PKN2: variants seen among roughly 807,000 people sequenced by gnomAD.
The protein encoded by PKN2 is serine/threonine-protein kinase N2.
A neutral mutation model predicts 119.1 loss-of-function variants in PKN2; 38 were observed. That is an observed-to-expected ratio of 0.32 (90% confidence interval 0.25 to 0.42). The LOEUF is 0.42. Ranked by LOEUF, PKN2 falls within the 10% of genes least tolerant of loss-of-function variation. PKN2 has a pLI of 1.00. For missense variants in PKN2, 850 were observed against 1,165.1 expected (o/e 0.73, Z 3.94); for synonymous variants, 390 against 384.9 (o/e 1.01, Z -0.15).
chr1:88,699,872 T>G (rs913151584), intron 1 of PKN2, among the ~76,000 whole-genome samples: 6 of 152,120 alleles, frequency 3.9e-5, no homozygotes, highest in Non-Finnish European at 5.9e-5. Flanking sequence ...AACCTCTGCC[T>G]CCTGGGTTCA....
chr1:88,689,203 A>G (rs1666235109), intron 1 of PKN2, among the ~76,000 whole-genome samples: 1 of 152,252 alleles, frequency 6.6e-6, no homozygotes, highest in South Asian at 2.1e-4. Flanking sequence ...CACATGTATT[A>G]CAGAAAATCC....
chr1:88,806,430 A>G (rs1382531454), intron 12 of PKN2, among the ~76,000 whole-genome samples: 1 of 152,170 alleles, frequency 6.6e-6, no homozygotes, highest in Non-Finnish European at 1.5e-5. Context: ...TCGGCCTTCC[A>G]AAGTGCTGGG....
At chr1:88,788,133 A>G (rs2100835170) in intron 8 of PKN2, among the ~76,000 whole-genome samples, 1 of 152,274 alleles carries the variant, frequency 6.6e-6, no homozygotes, top group Non-Finnish European at 1.5e-5. Flanking sequence ...AGTCGTCTGT[A>G]CTGTTTCATT....
At chr1:88,749,520 AG>A (rs1332498097) in intron 2 of PKN2, among the ~76,000 whole-genome samples, 1 of 152,212 alleles carries the variant, frequency 6.6e-6, no homozygotes, top group East Asian at 1.9e-4. Context: ...TACCAAAATT[AG>A]TTCAGTTGGT....
At chr1:88,751,368 A>T (rs1178165942) in intron 2 of PKN2, among the ~76,000 whole-genome samples, 2 of 147,788 alleles carry the variant, frequency 1.4e-5, no homozygotes, top group African/African-American at 5.3e-5. Context: ...TACATTATAT[A>T]TTTACACATA....
At chr1:88,790,603 T>G (rs769740403) in intron 8 of PKN2, among the ~76,000 whole-genome samples, 7 of 152,212 alleles carry the variant, frequency 4.6e-5, no homozygotes, top group Non-Finnish European at 1.0e-4. Flanking sequence ...TTTTAAGATT[T>G]TATCTTTTTT....
intron 3 of PKN2, among the ~76,000 whole-genome samples, chr1:88,768,918 C>T (rs572754703): frequency 1.3e-5 from 2 of 152,252 alleles, no homozygotes; most frequent in African/African-American, 4.8e-5. Flanking sequence ...GGAAGATGAA[C>T]GGCAGCCAGC....
intron 1 of PKN2, among the ~76,000 whole-genome samples, chr1:88,712,722 T>C (rs146578757): frequency 6.6e-6 from 1 of 152,328 alleles, no homozygotes; most frequent in African/African-American, 2.4e-5. Context: ...AAGATTCCAG[T>C]TGACTATTAC....
intron 1 of PKN2, among the ~76,000 whole-genome samples, chr1:88,705,196 A>G (rs1489319436): frequency 1.3e-5 from 2 of 151,374 alleles, no homozygotes; most frequent in East Asian, 1.9e-4. Flanking sequence ...GATCCAGTTT[A>G]TCAACATTTT....
At chr1:88,755,870 T>G (rs1411985354) in intron 2 of PKN2, among the ~76,000 whole-genome samples, 1 of 152,148 alleles carries the variant, frequency 6.6e-6, no homozygotes, top group East Asian at 1.9e-4. Flanking sequence ...AACAGTGTTA[T>G]GTAGTATTTT....
chr1:88,834,889 A>G lies in PKN2; in HGVS notation c.*1441A>G, dbSNP rs964679879. 1 of 152,336 alleles carries G rather than the reference A, an allele frequency of 6.6e-6. No individual in the cohort carries two copies. The highest frequency in any genetic ancestry group is 6.6e-5 in the Admixed American group (1 of 15,238). 9.4% of individuals were successfully genotyped at this position (152,336 alleles called of 1,614,324 possible). ...TGTTTTTTCTTAGTTTAGTAATAGC[A>G]TCTTTGATCCTGTGCTTAGCATGTT... On this transcript the variant is annotated 3_prime_UTR_variant, in exon 22 of 22. Coordinates refer to ENST00000370521, the MANE Select transcript of PKN2 (RefSeq NM_006256.4).
At chr1:88,774,255 C>T (rs1670001649) in intron 6 of PKN2, among the ~76,000 whole-genome samples, 1 of 152,166 alleles carries the variant, frequency 6.6e-6, no homozygotes, top group African/African-American at 2.4e-5. Flanking sequence ...GCAGAATTTT[C>T]ATTGGGGCTT....
chr1:88,807,756 G>T lies in PKN2; in HGVS notation c.2083G>T (p.Ala695Ser). ...IKALKKGDIV[A>S]RDEVDSLMCE... ...AGCCTTAAAGAAAGGAGATATTGTG[G>T]CTCGAGATGAAGTAGACAGGTTAGT... Residue 695 changes from alanine to serine, a missense_variant, in exon 15 of 22, where the codon GCT (alanine) becomes TCT (serine). Ala to Ser is a moderately conservative substitution (Grantham distance 99). Coordinates refer to ENST00000370521, the MANE Select transcript of PKN2 (RefSeq NM_006256.4). 1 of 1,592,824 alleles carries T rather than the reference G, an allele frequency of 6.3e-7. No homozygotes were observed. The highest frequency in any genetic ancestry group is 8.6e-7 in the Non-Finnish European group (1 of 1,166,558).
rs1241790761 is a variant in PKN2 at position 88,807,334 on chromosome 1, A to C, written c.1825A>C (p.Ile609Leu). 6.3e-7 allele frequency: 1 copy of C among 1,576,418 alleles called. No homozygotes were observed. Among genetic ancestry groups the C allele is most frequent in the East Asian group, 2.2e-5 (1 of 44,484 alleles). Residue 609 changes from isoleucine to leucine, a missense_variant, in exon 13 of 22, where the codon ATT becomes CTT. Around this residue, in one of 9 missense-constraint regions of PKN2, gnomAD observed 216 missense variants for 252.8 expected, o/e 0.85. Transcript: ENST00000370521. ...ACAGGATTCAGAGACTGTTTTTGATATTCAGAATGACAGAAATAGTATACT... is the reference window on the plus strand; with the variant it reads ...ACAGGATTCAGAGACTGTTTTTGATCTTCAGAATGACAGAAATAGTATACT... The part of the protein sequence containing the change: ...PGQDSETVFD[I>L]QNDRNSILPK...
chr1:88,772,390 G>T (rs1669932496), intron 6 of PKN2, among the ~76,000 whole-genome samples: 1 of 152,066 alleles, frequency 6.6e-6, no homozygotes. Context: ...AACTTTTTGT[G>T]CACCCAACAT....
At chr1:88,767,585 G>A (rs1027980220) in intron 3 of PKN2, among the ~76,000 whole-genome samples, 6 of 152,122 alleles carry the variant, frequency 3.9e-5, no homozygotes, top group African/African-American at 1.4e-4. Context: ...ACTGAATACT[G>A]TAGGCAATTG....
intron 3 of PKN2, among the ~76,000 whole-genome samples, chr1:88,769,355 A>G (rs1204984515): frequency 6.6e-6 from 1 of 152,174 alleles, no homozygotes; most frequent in Non-Finnish European, 1.5e-5. Flanking sequence ...AATTAATTGG[A>G]ACACAATTGC....
chr1:88,801,430 ATCT>A (rs1184168843), intron 8 of PKN2, among the ~76,000 whole-genome samples: 4 of 152,150 alleles, frequency 2.6e-5, no homozygotes, highest in African/African-American at 7.2e-5. Flanking sequence ...CATTAGTGAC[ATCT>A]TCTTATGCAG....
At chr1:88,792,295 C>T (rs1670873702) in intron 8 of PKN2, among the ~76,000 whole-genome samples, 1 of 152,090 alleles carries the variant, frequency 6.6e-6, no homozygotes, top group South Asian at 2.1e-4. Flanking sequence ...CCCAGCTACT[C>T]GGGAGGCTGA....
Sources: allele counts gnomAD v4.1 joint callset (sites outside exome capture counted in the v4.1 genomes callset), GRCh38; gene constraint gnomAD v4.1.1; regional missense constraint gnomAD v4.1.1; transcripts MANE v1.5; gene names NCBI Gene and HGNC (gene_info 2026-07-23, HGNC 2026-07-21).